The following COL25A1 variants were observed in gnomAD, a reference collection of about 807,000 sequenced individuals.
COL25A1 encodes the protein collagen alpha-1(XXV) chain.
In COL25A1, 103 loss-of-function variants were observed where a neutral mutation model predicts 128.4. The ratio of observed to expected loss-of-function variants is 0.80; its 90% confidence interval spans 0.68 to 0.94. The LOEUF is 0.94. COL25A1 is among the 40% of genes least tolerant of loss of function. The probability of loss-of-function intolerance (pLI) is 0.00; values close to 1 mark genes in which losing one functional copy is unlikely to be tolerated. For synonymous variants in COL25A1, 279 were observed against 277.2 expected, an observed-to-expected ratio of 1.01 and a Z score of -0.06; for missense variants, 745 against 840.0, an observed-to-expected ratio of 0.89 and a Z score of 1.40.
At chr4:109,283,093 G>A (rs1723536604) in intron 3 of COL25A1, among the ~76,000 whole-genome samples, 1 of 152,112 alleles carries the variant, frequency 6.6e-6, no homozygotes, top group South Asian at 2.1e-4. Context: ...AAACTAAGCA[G>A]CATTAAGTAG....
chr4:109,064,368 G>A (rs890554872), intron 3 of COL25A1, among the ~76,000 whole-genome samples: 1 of 152,194 alleles, frequency 6.6e-6, no homozygotes, highest in Non-Finnish European at 1.5e-5. Flanking sequence ...GGCATCCATA[G>A]TATGCAAGTT....
chr4:108,982,048 G>A (rs1463315575), intron 6 of COL25A1, among the ~76,000 whole-genome samples: 1 of 151,788 alleles, frequency 6.6e-6, no homozygotes, highest in Non-Finnish European at 1.5e-5. Context: ...ACAAAAATTA[G>A]CCAGGCGTGG....
intron 16 of COL25A1, among the ~76,000 whole-genome samples, chr4:108,895,938 CTTT>C (rs35506597): frequency 5.7e-5 from 4 of 70,790 alleles, no homozygotes; most frequent in Middle Eastern, 0.016. Flanking sequence ...TATAATCAAA[CTTT>C]TTTTTTTTTT....
chr4:108,969,472 A>G (rs1435096686), intron 8 of COL25A1, among the ~76,000 whole-genome samples: 1 of 152,214 alleles, frequency 6.6e-6, no homozygotes, highest in African/African-American at 2.4e-5. Context: ...ATTTAATTAT[A>G]TACATAACAC....
chr4:109,288,960 T>TAC (rs748166827), intron 3 of COL25A1, among the ~76,000 whole-genome samples: 169 of 98,302 alleles, frequency 1.7e-3, no homozygotes, highest in African/African-American at 6.0e-3. Flanking sequence ...CTAAATTATA[T>TAC]ATACACACAC....
intron 3 of COL25A1, among the ~76,000 whole-genome samples, chr4:109,215,378 C>T (rs114164219): frequency 1.6e-3 from 240 of 152,220 alleles, no homozygotes; most frequent in African/African-American, 5.5e-3. Flanking sequence ...ACAATATTTT[C>T]CACCATAATA....
chr4:108,978,121 A>G (rs3863125), intron 6 of COL25A1, among the ~76,000 whole-genome samples: 109,647 of 152,158 alleles, frequency 0.72, 40,658 homozygotes, highest in East Asian at 1. Context: ...CCTGAGCAAG[A>G]ATGCTTAATT....
At chr4:108,914,239 T>G (rs1190766987) in intron 13 of COL25A1, among the ~76,000 whole-genome samples, 1 of 152,162 alleles carries the variant, frequency 6.6e-6, no homozygotes, top group African/African-American at 2.4e-5. Context: ...TGTGTACTCA[T>G]AGTATCTCTG....
At chr4:109,013,608 G>T (rs139587324) in intron 5 of COL25A1, among the ~76,000 whole-genome samples, 5 of 151,420 alleles carry the variant, frequency 3.3e-5, no homozygotes, top group Middle Eastern at 3.2e-3. Flanking sequence ...TCACTCCTGA[G>T]GCCAGCGAGA....
At chr4:109,189,774 A>AT (rs375896985) in intron 3 of COL25A1, among the ~76,000 whole-genome samples, 3 of 151,980 alleles carry the variant, frequency 2.0e-5, no homozygotes, top group Admixed American at 6.6e-5. Flanking sequence ...GTATTTATCT[A>AT]TTTTTTTGTC....
At chr4:108,886,681 G>A (rs1452798644) in intron 18 of COL25A1, among the ~76,000 whole-genome samples, 2 of 152,064 alleles carry the variant, frequency 1.3e-5, no homozygotes, top group Non-Finnish European at 2.9e-5. Context: ...CCCAAAATCT[G>A]GGATCAGATC....
chr4:109,200,760 C>T (rs1280389239), intron 3 of COL25A1, among the ~76,000 whole-genome samples: 4 of 152,134 alleles, frequency 2.6e-5, no homozygotes, highest in Non-Finnish European at 4.4e-5. Context: ...CCTCTCCTAA[C>T]ATGAATCTTC....
At chr4:109,190,252 C>A (rs866869667) in intron 3 of COL25A1, among the ~76,000 whole-genome samples, 13 of 152,192 alleles carry the variant, frequency 8.5e-5, no homozygotes, top group Middle Eastern at 6.8e-3. Context: ...GAATAACTTT[C>A]CTAGACTGAA....
chr4:109,200,077 C>T lies in COL25A1; in HGVS notation c.367+100506G>A, dbSNP rs538309923. On this transcript the variant is annotated intron_variant, in intron 3 of 37. Transcript: ENST00000399132. ...AAAGCTTTGTAAGAGGCAGCTAAAT[C>T]ATCAAGTAACCAATCACACATTGTT... 2.2e-3 allele frequency among the ~76,000 whole-genome samples: 342 copies of T among 152,344 alleles called. 1 individual carries two copies. Among genetic ancestry groups the T allele is most frequent in the African/African-American group, 7.6e-3 (315 of 41,588 alleles).
At chr4:109,214,270 T>A (rs2126201052) in intron 3 of COL25A1, among the ~76,000 whole-genome samples, 1 of 152,194 alleles carries the variant, frequency 6.6e-6, no homozygotes, top group East Asian at 1.9e-4. Flanking sequence ...TAAAATCAAT[T>A]AGGTTGTTTC....
intron 6 of COL25A1, among the ~76,000 whole-genome samples, chr4:108,997,099 T>C (rs952285596): frequency 1.3e-5 from 2 of 152,062 alleles, no homozygotes; most frequent in African/African-American, 4.8e-5. Flanking sequence ...ATTCAAAGGC[T>C]ACCAGAAGGC....
chr4:109,182,540 T>A (rs536929262), intron 3 of COL25A1, among the ~76,000 whole-genome samples: 3 of 152,226 alleles, frequency 2.0e-5, no homozygotes, highest in African/African-American at 7.2e-5. Flanking sequence ...TTAGTAAACA[T>A]GGTAAAGGTT....
At chr4:108,870,653 C>G (rs1738600313) in intron 19 of COL25A1, among the ~76,000 whole-genome samples, 2 of 152,088 alleles carry the variant, frequency 1.3e-5, no homozygotes, top group South Asian at 4.1e-4. Context: ...TATTCTACTT[C>G]TAGTAAAAGA....
chr4:109,191,482 C>T (rs1350931493), intron 3 of COL25A1, among the ~76,000 whole-genome samples: 1 of 152,106 alleles, frequency 6.6e-6, no homozygotes, highest in African/African-American at 2.4e-5. Flanking sequence ...GCTTAGCAGC[C>T]CACTGTTTCC....
Sources: allele counts gnomAD v4.1 joint callset (sites outside exome capture counted in the v4.1 genomes callset), GRCh38; gene constraint gnomAD v4.1.1; transcripts MANE v1.5; gene names NCBI Gene and HGNC (gene_info 2026-07-23, HGNC 2026-07-21).